The following SDC3 variants were observed in gnomAD, a reference collection of about 807,000 sequenced individuals.
SDC3 encodes the protein syndecan-3.
SDC3 carries 13 observed loss-of-function variants against 24.4 expected under a neutral mutation model. The observed-to-expected ratio is 0.53, with a 90% CI of 0.35 to 0.85. The LOEUF (loss-of-function observed/expected upper bound fraction) is 0.85. Among genes scored for constraint, SDC3 ranks in the 40% least tolerant of loss-of-function variants. The pLI, the probability that SDC3 is intolerant of heterozygous loss-of-function variation, is 0.01. For synonymous variants in SDC3, 295 were observed against 260.9 expected, an observed-to-expected ratio of 1.13 and a Z score of -1.26; for missense variants, 571 against 584.5, an observed-to-expected ratio of 0.98 and a Z score of 0.24.
intron 1 of SDC3, among the ~76,000 whole-genome samples, chr1:30,880,943 C>A (rs901882725): frequency 6.6e-6 from 1 of 151,474 alleles, no homozygotes; most frequent in African/African-American, 2.4e-5. Context: ...TCTCCTTGAC[C>A]CTCACTGTGC....
At chr1:30,905,974 C>A (rs1306398423) in intron 1 of SDC3, among the ~76,000 whole-genome samples, 1 of 151,920 alleles carries the variant, frequency 6.6e-6, no homozygotes, top group African/African-American at 2.4e-5. Context: ...CACACACACA[C>A]ACACACACAC....
At chr1:30,882,891 T>A (rs979480089) in intron 1 of SDC3, among the ~76,000 whole-genome samples, 1 of 152,178 alleles carries the variant, frequency 6.6e-6, no homozygotes, top group Non-Finnish European at 1.5e-5. Flanking sequence ...AGTTTTCTCA[T>A]CTGTAAAATG....
chr1:30,879,358 T>C (rs1401904654), intron 1 of SDC3, among the ~76,000 whole-genome samples: 1 of 152,202 alleles, frequency 6.6e-6, no homozygotes, highest in Non-Finnish European at 1.5e-5. Flanking sequence ...AATCAGTATT[T>C]ACTTTCTACC....
rs560136206 is a variant in SDC3 at position 30,905,467 on chromosome 1, A to G, written c.138+2982T>C. ...AACTTTGTAAAAGAACAAGAAATCCATATTTGTTGAGCCCTTAGTAGGTGC... is the reference window on the plus strand; with the variant it reads ...AACTTTGTAAAAGAACAAGAAATCCGTATTTGTTGAGCCCTTAGTAGGTGC... On this transcript the variant is annotated intron_variant, in intron 1 of 4. Transcript: ENST00000339394. 1.3e-4 allele frequency among the ~76,000 whole-genome samples: 19 copies of G among 150,886 alleles called. No homozygotes were observed. In the East Asian group the frequency reaches 2.4e-3, roughly 19 times the overall value.
At chr1:30,897,733 G>C (rs1380716582) in intron 1 of SDC3, among the ~76,000 whole-genome samples, 1 of 152,150 alleles carries the variant, frequency 6.6e-6, no homozygotes, top group Non-Finnish European at 1.5e-5. Context: ...TCCCAGCTGG[G>C]CCACTCACTA....
intron 1 of SDC3, among the ~76,000 whole-genome samples, chr1:30,881,609 C>T (rs1035992020): frequency 1.3e-5 from 2 of 152,228 alleles, no homozygotes; most frequent in African/African-American, 4.8e-5. Flanking sequence ...CGCAAGCGGC[C>T]CATGAAGGCC....
chr1:30,878,758 G>T lies in SDC3; in HGVS notation c.139-18C>A, dbSNP rs766053258. 1.2e-6 allele frequency: 2 copies of T among 1,609,118 alleles called. No homozygotes were observed. Among genetic ancestry groups the T allele is most frequent in the South Asian group, 2.2e-5 (2 of 90,992 alleles). On this transcript the variant is annotated intron_variant, in intron 1 of 4. Coordinates refer to ENST00000339394, the MANE Select transcript of SDC3 (RefSeq NM_014654.4). ...CGCTGGGCCTAGGGAAGGTAGAGGT[G>T]GACACAGGGCTCGGCACCCGAGACT... is the stretch of plus-strand genomic sequence containing the variant.
chr1:30,879,283 G>C (rs140334758), intron 1 of SDC3, among the ~76,000 whole-genome samples: 1 of 152,176 alleles, frequency 6.6e-6, no homozygotes, highest in South Asian at 2.1e-4. Flanking sequence ...CCCAGCCAGG[G>C]CAGGGAGCCA....
In SDC3 at chr1:30,873,271, T is replaced by C; in HGVS notation, c.1269A>G (p.Glu423=). ...KKDEGSYTLE[E]PKQASVTYQK... is the part of the protein sequence containing the mutation. ...GGTATGTGACGCTCGCCTGCTTGGGTTCCTCCAGCGTGTAGCTGCCCTCAT... is the reference window on the plus strand; with the variant it reads ...GGTATGTGACGCTCGCCTGCTTGGGCTCCTCCAGCGTGTAGCTGCCCTCAT... The change falls in exon 5 of 5, where the codon GAA becomes GAG. Residue 423 remains glutamate, a synonymous_variant. Transcript: ENST00000339394. 1 of 1,613,018 alleles carries C rather than the reference T, an allele frequency of 6.2e-7. No homozygotes were observed. The highest frequency in any genetic ancestry group is 8.5e-7 in the Non-Finnish European group (1 of 1,179,042).
At chr1:30,873,567 C>A (rs185543568) in intron 4 of SDC3, among the ~76,000 whole-genome samples, 190 bp from the exon 5 acceptor site, 65 of 152,144 alleles carry the variant, frequency 4.3e-4, no homozygotes, top group African/African-American at 1.4e-3. Context: ...GCATTCTAAT[C>A]GCCCAACACA....
chr1:30,902,860 C>G (rs1392898396), intron 1 of SDC3, among the ~76,000 whole-genome samples: 1 of 152,220 alleles, frequency 6.6e-6, no homozygotes, highest in Non-Finnish European at 1.5e-5. Context: ...TGTCCCCAAC[C>G]CACCTACACA....
intron 1 of SDC3, among the ~76,000 whole-genome samples, chr1:30,896,885 C>T (rs1557524672): frequency 6.6e-6 from 1 of 152,144 alleles, no homozygotes; most frequent in Non-Finnish European, 1.5e-5. Flanking sequence ...ATTGCTTGAA[C>T]CCGGGAAGCG....
intron 2 of SDC3, 26 bp downstream of exon 2, chr1:30,878,597 G>A (rs778648675): frequency 1.9e-6 from 3 of 1,565,014 alleles, no homozygotes; most frequent in Admixed American, 3.3e-5. Context: ...CTGCCCCCAG[G>A]CAGAGGTAGG....
At chr1:30,901,854 C>T (rs1490661102) in intron 1 of SDC3, among the ~76,000 whole-genome samples, 1 of 152,326 alleles carries the variant, frequency 6.6e-6, no homozygotes, top group East Asian at 1.9e-4. Context: ...TCCTTATTTA[C>T]TTTAGTACTT....
chr1:30,887,692 G>A (rs956485931), intron 1 of SDC3, among the ~76,000 whole-genome samples: 1 of 152,202 alleles, frequency 6.6e-6, no homozygotes, highest in African/African-American at 2.4e-5. Context: ...GGCAGTGACT[G>A]GGTCTGTGTG....
At chr1:30,882,240 C>T (rs117609412) in intron 1 of SDC3, among the ~76,000 whole-genome samples, 2 of 152,316 alleles carry the variant, frequency 1.3e-5, no homozygotes, top group East Asian at 1.9e-4. Context: ...ACTTTCCTTC[C>T]GGGTACACAC....
chr1:30,886,923 A>G (rs954672921), intron 1 of SDC3, among the ~76,000 whole-genome samples: 1 of 152,194 alleles, frequency 6.6e-6, no homozygotes, highest in African/African-American at 2.4e-5. Flanking sequence ...GCTCAAAGTC[A>G]CACAGCAATG....
chr1:30,894,057 T>C (rs1157334973), intron 1 of SDC3, among the ~76,000 whole-genome samples: 1 of 152,090 alleles, frequency 6.6e-6, no homozygotes, highest in African/African-American at 2.4e-5. Context: ...CCTGGGCTCC[T>C]AGACCCTGGG....
chr1:30,879,065 T>C (rs1471852942), intron 1 of SDC3: 7 of 240,360 alleles, frequency 2.9e-5, no homozygotes, highest in Non-Finnish European at 5.0e-5. Context: ...GGGTGGTCTC[T>C]GAGCAGCCGC....
Sources: gnomAD v4.1 joint callset for allele counts (sites outside exome capture counted in the v4.1 genomes callset) on GRCh38, gnomAD v4.1.1 for gene constraint, MANE v1.5 for transcripts, NCBI Gene and HGNC (gene_info 2026-07-23, HGNC 2026-07-21) for gene names.